The following RCSD1 variants were observed in gnomAD, a reference collection of about 807,000 sequenced individuals.
RCSD1 encodes the protein capZ-interacting protein.
A neutral mutation model predicts 42.5 loss-of-function variants in RCSD1; 26 were observed. The observed-to-expected ratio is 0.61, with a 90% CI of 0.45 to 0.85. The LOEUF (loss-of-function observed/expected upper bound fraction) is 0.85, where lower values mean the gene tolerates loss of function less well. RCSD1 is among the 40% of genes least tolerant of loss of function. RCSD1 has a pLI of 0.00. For synonymous variants in RCSD1, 220 were observed against 212.2 expected (o/e 1.04, Z -0.32); for missense variants, 571 against 528.3 (o/e 1.08, Z -0.79).
Position 167,697,572 on chromosome 1 carries a change from G to T in RCSD1, c.948G>T (p.Glu316Asp). 1 of 1,607,754 alleles carries T rather than the reference G, an allele frequency of 6.2e-7. No homozygotes were observed. Among genetic ancestry groups the T allele is most frequent in the Non-Finnish European group, 8.5e-7 (1 of 1,177,162 alleles). Residue 316 changes from glutamate to aspartate, a missense_variant, in exon 6 of 7, where the codon GAG (glutamate) becomes GAT (aspartate). Physicochemically the swap from Glu to Asp is conservative, Grantham distance 45. Transcript: ENST00000367854. Reference sequence around the variant, plus strand: ...AAGCAGAGATGGAAAAGGCTACAGAGGTGAAGGGGGAGAGGGTGCAAAATG... The same window carrying T: ...AAGCAGAGATGGAAAAGGCTACAGATGTGAAGGGGGAGAGGGTGCAAAATG... ...GEEAEMEKAT[E>D]VKGERVQNEE...
chr1:167,642,609 A>ACC, intron 1 of RCSD1, among the ~76,000 whole-genome samples: 1 of 152,190 alleles, frequency 6.6e-6, no homozygotes, highest in African/African-American at 2.4e-5. Context: ...TGGAACAGCC[A>ACC]ATTCCATGGA....
chr1:167,701,288 C>A (rs971160687), intron 6 of RCSD1, among the ~76,000 whole-genome samples: 1 of 146,660 alleles, frequency 6.8e-6, no homozygotes, highest in Non-Finnish European at 1.5e-5. Context: ...TTCTTTCTTT[C>A]TTTCTTTCTT....
chr1:167,685,068 A>T (rs530629432), intron 2 of RCSD1, among the ~76,000 whole-genome samples: 1 of 152,310 alleles, frequency 6.6e-6, no homozygotes, highest in South Asian at 2.1e-4. Context: ...ATAAAGGATA[A>T]AGAAGATAGC....
intron 1 of RCSD1, among the ~76,000 whole-genome samples, chr1:167,634,182 G>C (rs1657772455): frequency 6.6e-6 from 1 of 152,190 alleles, no homozygotes; most frequent in Non-Finnish European, 1.5e-5. Flanking sequence ...GAAGCCCCCA[G>C]ACTCTACAGC....
intron 1 of RCSD1, among the ~76,000 whole-genome samples, chr1:167,671,183 C>T (rs1434075006): frequency 6.6e-6 from 1 of 152,170 alleles, no homozygotes; most frequent in East Asian, 1.9e-4. Context: ...CTGAGTAGTT[C>T]ATTCAATAAA....
chr1:167,695,592 G>A (rs1659480189), intron 5 of RCSD1, among the ~76,000 whole-genome samples: 1 of 148,116 alleles, frequency 6.8e-6, no homozygotes, highest in Non-Finnish European at 1.5e-5. Context: ...AGGCTGGAGT[G>A]CAGTGGTGCG....
intron 1 of RCSD1, among the ~76,000 whole-genome samples, chr1:167,679,398 G>A (rs1052917934): frequency 3.9e-5 from 6 of 152,212 alleles, no homozygotes; most frequent in African/African-American, 1.4e-4. Flanking sequence ...ATCCTCCTAG[G>A]ATAGTAATGG....
chr1:167,632,899 A>G (rs1441356014), intron 1 of RCSD1, among the ~76,000 whole-genome samples: 1 of 152,216 alleles, frequency 6.6e-6, no homozygotes, highest in African/African-American at 2.4e-5. Context: ...TAAACTTTTC[A>G]TGGTGAAGCA....
intron 1 of RCSD1, among the ~76,000 whole-genome samples, chr1:167,660,475 GTT>G (rs60178930): frequency 1.4e-5 from 2 of 142,782 alleles, no homozygotes; most frequent in Admixed American, 7.0e-5. Context: ...TCACTGTTTT[GTT>G]TTTTTTTTTT....
At chr1:167,676,339 C>T (rs534647197) in intron 1 of RCSD1, among the ~76,000 whole-genome samples, 5 of 152,194 alleles carry the variant, frequency 3.3e-5, no homozygotes, top group South Asian at 2.1e-4. Flanking sequence ...GGAAGAAGGG[C>T]GGTGCCACTG....
At chr1:167,657,407 T>C (rs965487532) in intron 1 of RCSD1, among the ~76,000 whole-genome samples, 2 of 152,202 alleles carry the variant, frequency 1.3e-5, no homozygotes, top group Non-Finnish European at 2.9e-5. Flanking sequence ...TGGCTTCAGA[T>C]TGATCATTTG....
chr1:167,655,985 T>C (rs779455187), intron 1 of RCSD1, among the ~76,000 whole-genome samples: 29 of 152,340 alleles, frequency 1.9e-4, no homozygotes, highest in Non-Finnish European at 3.1e-4. Context: ...AAACTATTAG[T>C]TAAACAACAT....
intron 1 of RCSD1, among the ~76,000 whole-genome samples, chr1:167,632,911 G>A (rs1156588898): frequency 3.3e-5 from 5 of 152,212 alleles, no homozygotes; most frequent in Non-Finnish European, 7.4e-5. Flanking sequence ...GGTGAAGCAT[G>A]ATATGCAGGA....
At chr1:167,704,534 A>C in intron 6 of RCSD1, 130 bp from the exon 7 acceptor site, 1 of 776,270 alleles carries the variant, frequency 1.3e-6, no homozygotes, top group South Asian at 1.5e-5. Flanking sequence ...TAGCATTCTT[A>C]TGACTATCAT....
At chr1:167,683,786 C>T (rs1183734541) in intron 1 of RCSD1, 114 bp from the exon 2 acceptor site, 2 of 954,522 alleles carry the variant, frequency 2.1e-6, no homozygotes, top group Non-Finnish European at 3.3e-6. Context: ...TTGGATAATG[C>T]TGTTAAAATA....
At chr1:167,679,871 T>G (rs1659038596) in intron 1 of RCSD1, among the ~76,000 whole-genome samples, 1 of 152,164 alleles carries the variant, frequency 6.6e-6, no homozygotes, top group South Asian at 2.1e-4. Context: ...TCTCATTATG[T>G]GGATGGTCAG....
chr1:167,687,959 G>A (rs1205417737), intron 3 of RCSD1, among the ~76,000 whole-genome samples: 1 of 152,248 alleles, frequency 6.6e-6, no homozygotes, highest in African/African-American at 2.4e-5. Flanking sequence ...TTAGTCCGTA[G>A]TTTCTAGACG....
At chr1:167,700,433 G>A (rs1047617687) in intron 6 of RCSD1, among the ~76,000 whole-genome samples, 1 of 152,178 alleles carries the variant, frequency 6.6e-6, no homozygotes, top group Admixed American at 6.5e-5. Flanking sequence ...TGGATCACAA[G>A]GTCAGGAGAT....
At chr1:167,678,262 A>C (rs115218663) in intron 1 of RCSD1, among the ~76,000 whole-genome samples, 1 of 152,094 alleles carries the variant, frequency 6.6e-6, no homozygotes. Context: ...GGCCTGAAAC[A>C]CTTCTCTGAA....
Sources: gnomAD v4.1 joint callset for allele counts (sites outside exome capture counted in the v4.1 genomes callset) on GRCh38, gnomAD v4.1.1 for gene constraint, MANE v1.5 for transcripts, NCBI Gene and HGNC (gene_info 2026-07-23, HGNC 2026-07-21) for gene names.